Variants in STAU1 observed in about 807,000 individuals in gnomAD.
STAU1 encodes the protein staufen double-stranded RNA binding protein 1, also known as double-stranded RNA-binding protein Staufen homolog 1.
STAU1 carries 13 observed loss-of-function variants against 62.9 expected under a neutral mutation model. The ratio of observed to expected loss-of-function variants is 0.21; its 90% CI spans 0.13 to 0.33. STAU1 has a LOEUF of 0.33. STAU1 is among the 10% of genes least tolerant of loss of function. The probability of loss-of-function intolerance (pLI) is 1.00; values close to 1 mark genes in which losing one functional copy is unlikely to be tolerated. For missense variants in STAU1, 571 were observed against 712.1 expected, an observed-to-expected ratio of 0.80 and a Z score of 2.25; for synonymous variants, 269 against 265.1, an observed-to-expected ratio of 1.01 and a Z score of -0.14.
chr20:49,175,013 C>G (rs1282275273), intron 1 of STAU1, among the ~76,000 whole-genome samples: 1 of 151,320 alleles, frequency 6.6e-6, no homozygotes, highest in Non-Finnish European at 1.5e-5. Context: ...CAAAAATTAG[C>G]TGGGCGTGAT....
intron 5 of STAU1, 67 bp from the exon 6 acceptor site, chr20:49,135,998 T>C: frequency 7.9e-7 from 1 of 1,258,782 alleles, no homozygotes. Context: ...AGTTGGTTCA[T>C]GCTTGTAATC....
At chr20:49,186,171 C>T (rs537676038) in intron 1 of STAU1, among the ~76,000 whole-genome samples, 1 of 152,154 alleles carries the variant, frequency 6.6e-6, no homozygotes, top group East Asian at 1.9e-4. Context: ...CATGGCAAAA[C>T]CCCGTCTCTA....
intron 13 of STAU1, 100 bp from the exon 14 acceptor site, chr20:49,114,993 A>AT: frequency 8.0e-7 from 1 of 1,249,224 alleles, no homozygotes; most frequent in South Asian, 1.3e-5. Flanking sequence ...AGGAAGTACA[A>AT]TACTAAAAGC....
intron 3 of STAU1, among the ~76,000 whole-genome samples, 174 bp from the exon 4 acceptor site, chr20:49,154,245 T>C (rs190214197): frequency 1.2e-4 from 18 of 152,264 alleles, no homozygotes; most frequent in African/African-American, 4.3e-4. Flanking sequence ...ATGCTGTGAT[T>C]TCTAGATATT....
the STAU1 span, among the ~76,000 whole-genome samples, chr20:49,213,676 G>A: frequency 6.6e-6 from 1 of 152,160 alleles, no homozygotes; most frequent in African/African-American, 2.4e-5. Flanking sequence ...CAGGAAGCAG[G>A]TAAATGGGCT....
chr20:49,178,931 A>C (rs2093691657), intron 1 of STAU1, among the ~76,000 whole-genome samples: 1 of 135,698 alleles, frequency 7.4e-6, no homozygotes, highest in Non-Finnish European at 1.6e-5. Flanking sequence ...AAAAAAAACA[A>C]CTAGCTGGGC....
At chr20:49,119,875 C>T (rs111625677) in intron 9 of STAU1, 107 bp downstream of exon 9, 2 of 1,358,812 alleles carry the variant, frequency 1.5e-6, no homozygotes, top group East Asian at 2.5e-5. Flanking sequence ...ACTCCTTGAA[C>T]TGTCAGGCAG....
intron 5 of STAU1, among the ~76,000 whole-genome samples, chr20:49,143,249 T>A (rs753618938): frequency 6.6e-6 from 1 of 152,226 alleles, no homozygotes; most frequent in Non-Finnish European, 1.5e-5. Context: ...TAGGAATTAC[T>A]GTTAACACTG....
At chr20:49,205,781 T>C in the STAU1 span, among the ~76,000 whole-genome samples, 1 of 151,370 alleles carries the variant, frequency 6.6e-6, no homozygotes, top group African/African-American at 2.4e-5. Flanking sequence ...TTCAAGCGAT[T>C]CTCCTGCCTC....
At chr20:49,135,400 TA>T (rs2092856301) in intron 6 of STAU1, among the ~76,000 whole-genome samples, 2 of 152,246 alleles carry the variant, frequency 1.3e-5, no homozygotes, top group Non-Finnish European at 2.9e-5. Context: ...ATGAAGTTAT[TA>T]AACAGGAATT....
intron 4 of STAU1, among the ~76,000 whole-genome samples, chr20:49,152,360 T>G (rs1010094980): frequency 1.3e-5 from 2 of 149,894 alleles, no homozygotes; most frequent in East Asian, 1.9e-4. Flanking sequence ...TTTTTTTTTT[T>G]GTGAGATGGA....
At chr20:49,211,857 G>A in the STAU1 span, among the ~76,000 whole-genome samples, 1 of 152,060 alleles carries the variant, frequency 6.6e-6, no homozygotes, top group Non-Finnish European at 1.5e-5. Flanking sequence ...CAGAGTACCT[G>A]GCTGTCATAT....
chr20:49,125,258 G>A (rs1432746514), intron 6 of STAU1, among the ~76,000 whole-genome samples: 1 of 144,888 alleles, frequency 6.9e-6, no homozygotes, highest in African/African-American at 2.6e-5. Flanking sequence ...GCTGGACATG[G>A]TGGCTCACAC....
At chr20:49,210,504 T>C in the STAU1 span, 1 of 456,010 alleles carries the variant, frequency 2.2e-6, no homozygotes, top group Non-Finnish European at 4.4e-6. Context: ...TTGTTTCTGG[T>C]AGTGGTGGGG....
intron 1 of STAU1, among the ~76,000 whole-genome samples, chr20:49,176,912 GTTT>G (rs11368238): frequency 2.2e-5 from 3 of 135,708 alleles, no homozygotes. Flanking sequence ...AGGGTGTCTA[GTTT>G]TTTTTTTTTT....
Position 49,120,109 on chromosome 20 carries a change from G to T in STAU1, c.986C>A (p.Thr329Asn). The T allele has an allele frequency of 6.2e-7, 1 of 1,613,980 alleles. No homozygotes were observed. The highest frequency in any genetic ancestry group is 1.3e-5 in the African/African-American group (1 of 75,052). Reference sequence around the variant, plus strand: ...CTTGTTGGTGCCCGTTCCTTCTGCAGTGTGGTTTCCAACCTTCACCTGCAC... The same window carrying T: ...CTTGTTGGTGCCCGTTCCTTCTGCATTGTGGTTTCCAACCTTCACCTGCAC... ...FVMQVKVGNH[T>N]AEGTGTNKKV... Residue 329 changes from threonine (T) to asparagine (N), a missense_variant, in exon 9 of 14, where the codon ACT becomes AAT. By Grantham distance (65) the Thr-to-Asn change is moderately conservative (BLOSUM62 0). This residue lies in a region of STAU1 where 414 missense variants were observed against 499.6 expected (regional missense o/e 0.83). Coordinates refer to ENST00000371856, the MANE Select transcript of STAU1 (RefSeq NM_017453.4).
At position 49,181,303 on chromosome 20, in the gene STAU1, T is replaced by C. The variant is rs571882193; in HGVS notation, c.-160+6813A>G. Reference sequence around the variant, plus strand: ...AACCTGGCACATGGTAAGAGCTCAATAGCAGTAAATATTATTATCCAGCAA... The same window carrying C: ...AACCTGGCACATGGTAAGAGCTCAACAGCAGTAAATATTATTATCCAGCAA... On this transcript the variant is annotated intron_variant, in intron 1 of 13. Coordinates refer to ENST00000371856, the MANE Select transcript of STAU1 (RefSeq NM_017453.4). Among the ~76,000 whole-genome samples the C allele has an allele frequency of 2.4e-3, 364 of 152,314 alleles. 3 individuals are homozygous for C. Among genetic ancestry groups the C allele is most frequent in the African/African-American group, 8.3e-3 (345 of 41,564 alleles).
intron 12 of STAU1, among the ~76,000 whole-genome samples, chr20:49,116,787 C>T (rs1461681431): frequency 6.6e-6 from 1 of 152,112 alleles, no homozygotes; most frequent in Non-Finnish European, 1.5e-5. Context: ...GTTTTTACAG[C>T]TGCCAGAACG....
At position 49,153,927 on chromosome 20, in the gene STAU1, A is replaced by ACG; in HGVS notation, c.344+5_344+6insCG. Reference sequence around the variant, plus strand: ...TTTACAAAAAAAAAAAAAAAAAAACACATACCTCGGGGGATAAGCACCTCC... The same window carrying ACG: ...TTTACAAAAAAAAAAAAAAAAAAACACGCATACCTCGGGGGATAAGCACCTCC... On this transcript the variant is annotated splice_donor_region_variant and intron_variant, in intron 4 of 13. Transcript: ENST00000371856. 6.4e-7 allele frequency: 1 copy of ACG among 1,552,810 alleles called. No individual in the cohort carries two copies. The highest frequency in any genetic ancestry group is 8.6e-7 in the Non-Finnish European group (1 of 1,160,180).
Sources: gnomAD v4.1 joint callset for allele counts (sites outside exome capture counted in the v4.1 genomes callset) on GRCh38, gnomAD v4.1.1 for gene constraint, gnomAD v4.1.1 regional missense constraint, MANE v1.5 for transcripts, NCBI Gene and HGNC (gene_info 2026-07-23, HGNC 2026-07-21) for gene names.